The following YARS1 variants were observed in gnomAD, a reference collection of about 807,000 sequenced individuals.
The protein encoded by YARS1 is tyrosyl-tRNA synthetase 1, also known as tyrosine--tRNA ligase, cytoplasmic.
YARS1 carries 36 observed loss-of-function variants against 62.2 expected under a neutral mutation model. The ratio of observed to expected loss-of-function variants is 0.58; its 90% CI spans 0.44 to 0.76. The LOEUF (loss-of-function observed/expected upper bound fraction) is 0.76. Ranked by LOEUF, YARS1 falls within the 30% of genes least tolerant of loss-of-function variation. The probability of loss-of-function intolerance (pLI) is 0.00; values close to 1 mark genes in which losing one functional copy is unlikely to be tolerated. For missense variants in YARS1, 524 were observed against 639.8 expected, an observed-to-expected ratio of 0.82 and a Z score of 1.95; for synonymous variants, 234 against 244.9, an observed-to-expected ratio of 0.96 and a Z score of 0.42.
Position 32,806,563 on chromosome 1 carries a change from G to C in YARS1, c.429C>G (p.His143Gln). 1 of 1,614,150 alleles carries C rather than the reference G, an allele frequency of 6.2e-7. No individual in the cohort carries two copies. The highest frequency in any genetic ancestry group is 8.5e-7 in the Non-Finnish European group (1 of 1,180,030). The change falls in exon 4 of 13, where the codon CAC becomes CAG. Residue 143 changes from histidine to glutamine, a missense_variant. His to Gln is a conservative substitution (Grantham distance 24). Coordinates refer to ENST00000373477, the MANE Select transcript of YARS1 (RefSeq NM_003680.4). ...VYRLSSVVTQ[H>Q]DSKKAGAEVV... ...CCTCAGCTCCAGCCTTCTTGGAATC[G>C]TGCTGTGTGACCACGGAGGAGAGTC...
At chr1:32,778,128 C>T (rs1652929715) in intron 12 of YARS1, among the ~76,000 whole-genome samples, 1 of 152,158 alleles carries the variant, frequency 6.6e-6, no homozygotes, top group South Asian at 2.1e-4. Flanking sequence ...TGAAGAAACA[C>T]GGTATTAACT....
chr1:32,779,259 A>T, intron 12 of YARS1, 123 bp downstream of exon 12: 1 of 1,511,040 alleles, frequency 6.6e-7, no homozygotes, highest in South Asian at 1.1e-5. Flanking sequence ...AGAAGGAGGG[A>T]GAGAGGGGCT....
In YARS1 at chr1:32,776,559, GAGTT is replaced by G. The variant is rs1057126192; in HGVS notation, c.1477-472_1477-469del. ...TTGACTCAAGTAAGTTCATTTTAGG[GAGTT>G]AGTTTAAGAAAATAAACCTAAGTGC... On this transcript the variant is annotated intron_variant, in intron 12 of 12. Coordinates refer to ENST00000373477, the MANE Select transcript of YARS1 (RefSeq NM_003680.4). This position sits in a 1 kb window ranked among gnomAD's most constrained non-coding sequence, Gnocchi z 4.0. 2.0e-5 allele frequency among the ~76,000 whole-genome samples: 3 copies of G among 152,198 alleles called. No homozygotes were observed. The highest frequency in any genetic ancestry group is 6.5e-5 in the Admixed American group (1 of 15,280).
At chr1:32,779,810 T>G (rs564318657) in intron 11 of YARS1, 5 of 607,400 alleles carry the variant, frequency 8.2e-6, no homozygotes, top group South Asian at 6.0e-5. Flanking sequence ...AAACTGGGAT[T>G]TGAATCCCTG....
chr1:32,803,343 G>A (rs60269206), intron 4 of YARS1, among the ~76,000 whole-genome samples: 1,864 of 149,784 alleles, frequency 0.012, 42 homozygotes, highest in African/African-American at 0.044. Flanking sequence ...TGTTGGTCAG[G>A]CTGGTCTCGA....
intron 1 of YARS1, among the ~76,000 whole-genome samples, chr1:32,813,873 T>G (rs983067950): frequency 1.2e-5 from 1 of 85,776 alleles, no homozygotes; most frequent in Non-Finnish European, 2.3e-5. Context: ...TTCTCCTCTT[T>G]TGGTCTCCTT....
chr1:32,784,699 C>T (rs1477310489), intron 8 of YARS1, among the ~76,000 whole-genome samples: 1 of 152,038 alleles, frequency 6.6e-6, no homozygotes, highest in Non-Finnish European at 1.5e-5. Flanking sequence ...TATATATTCA[C>T]ATATATATTT....
At chr1:32,779,339 C>A in intron 12 of YARS1, 43 bp downstream of exon 12, 1 of 1,614,070 alleles carries the variant, frequency 6.2e-7, no homozygotes, top group Non-Finnish European at 8.5e-7. Context: ...GGGACACAGT[C>A]CAGGCAGCCC....
chr1:32,809,877 G>A (rs1315204700), intron 3 of YARS1, among the ~76,000 whole-genome samples: 1 of 152,158 alleles, frequency 6.6e-6, no homozygotes, highest in Non-Finnish European at 1.5e-5. Context: ...AGACCGAGGT[G>A]GGCGGATCAC....
chr1:32,785,938 A>G (rs1193910119), intron 8 of YARS1, among the ~76,000 whole-genome samples: 1 of 151,872 alleles, frequency 6.6e-6, no homozygotes. Context: ...TGAATACAGA[A>G]AGTGAAAAAC....
At chr1:32,787,469 G>C (rs934265704) in intron 6 of YARS1, among the ~76,000 whole-genome samples, 8 of 151,186 alleles carry the variant, frequency 5.3e-5, no homozygotes, top group Non-Finnish European at 1.0e-4. Context: ...TTAGGTACTT[G>C]CAGATATTTT....
At chr1:32,805,237 G>T (rs1318547494) in intron 4 of YARS1, among the ~76,000 whole-genome samples, 2 of 93,244 alleles carry the variant, frequency 2.1e-5, no homozygotes, top group African/African-American at 4.7e-5. Context: ...GAGGGGGAGA[G>T]GGGGAGAGGG....
At position 32,776,838 on chromosome 1, in the gene YARS1, G is replaced by T. The variant is rs1406028372; in HGVS notation, c.1477-747C>A. On this transcript the variant is annotated intron_variant, in intron 12 of 12. Transcript: ENST00000373477. This position sits in a 1 kb window ranked among gnomAD's most constrained non-coding sequence, Gnocchi z 4.0. ...AAAATTAGCCGGGTGTGGTGGTGGG[G>T]CGCCTGTAGTCCCAGCTACTCAGAA... 6.6e-6 allele frequency among the ~76,000 whole-genome samples: 1 copy of T among 151,912 alleles called. No individual in the cohort carries two copies. The highest frequency in any genetic ancestry group is 2.4e-5 in the African/African-American group (1 of 41,406).
Position 32,791,157 on chromosome 1 carries a change from C to G in YARS1, c.684+5G>C. On this transcript the variant is annotated splice_donor_5th_base_variant and intron_variant, in intron 6 of 12. Transcript: ENST00000373477. Reference sequence around the variant, plus strand: ...TCTAAATTCAAGTCTCAGCTGGCAACTTACCTCTTCTGAAGAGCTCATTTT... The same window carrying G: ...TCTAAATTCAAGTCTCAGCTGGCAAGTTACCTCTTCTGAAGAGCTCATTTT... The G allele has an allele frequency of 6.2e-7, 1 of 1,613,536 alleles. No homozygotes were observed. Among genetic ancestry groups the G allele is most frequent in the Non-Finnish European group, 8.5e-7 (1 of 1,179,498 alleles).
At chr1:32,787,158 T>C (rs949435068) in intron 6 of YARS1, 83 bp from the exon 7 acceptor site, 4 of 1,537,964 alleles carry the variant, frequency 2.6e-6, no homozygotes, top group Non-Finnish European at 3.5e-6. Flanking sequence ...TTTTGTTTTT[T>C]CTTCTCTGTC....
In YARS1 at chr1:32,810,680, A is replaced by G; in HGVS notation, c.291T>C (p.Tyr97=). The change falls in exon 3 of 13, where the codon TAT becomes TAC. Residue 97 remains tyrosine, a synonymous_variant. Coordinates refer to ENST00000373477, the MANE Select transcript of YARS1 (RefSeq NM_003680.4). The part of the protein sequence containing the change: ...WELLELRVSY[Y]ENVIKAMLES... Reference sequence around the variant, plus strand: ...CCAGCATTGCTTTGATCACATTCTCATAGTAACTGACTCGGAGTTCTAGAA... The same window carrying G: ...CCAGCATTGCTTTGATCACATTCTCGTAGTAACTGACTCGGAGTTCTAGAA... The G allele has an allele frequency of 6.2e-7, 1 of 1,613,950 alleles. No individual in the cohort carries two copies. Among genetic ancestry groups the G allele is most frequent in the Non-Finnish European group, 8.5e-7 (1 of 1,179,842 alleles).
intron 12 of YARS1, among the ~76,000 whole-genome samples, chr1:32,777,589 C>T (rs921128651): frequency 6.6e-6 from 1 of 152,018 alleles, no homozygotes; most frequent in African/African-American, 2.4e-5. Flanking sequence ...CCAGCTTGGG[C>T]GACAGAGCAA....
At chr1:32,805,193 G>C (rs779752673) in intron 4 of YARS1, among the ~76,000 whole-genome samples, 45 of 136,236 alleles carry the variant, frequency 3.3e-4, no homozygotes, top group East Asian at 3.0e-3. Context: ...GTCCAGCCTC[G>C]GCTCGGCATC....
intron 6 of YARS1, among the ~76,000 whole-genome samples, chr1:32,788,259 T>A (rs1653301698): frequency 6.6e-6 from 1 of 152,104 alleles, no homozygotes; most frequent in South Asian, 2.1e-4. Flanking sequence ...TACTTACAAT[T>A]TTTTTTCTTT....
Sources: allele counts gnomAD v4.1 joint callset (sites outside exome capture counted in the v4.1 genomes callset), GRCh38; gene constraint gnomAD v4.1.1; non-coding constraint Gnocchi (gnomAD v3.1); transcripts MANE v1.5; gene names NCBI Gene and HGNC (gene_info 2026-07-23, HGNC 2026-07-21).